The following ABCB1 variants were observed in gnomAD, a reference collection of about 807,000 sequenced individuals.
ABCB1 encodes the protein ATP binding cassette subfamily B member 1.
Under a neutral mutation model 142.0 loss-of-function variants are expected in ABCB1, and 69 were observed. That is an observed-to-expected ratio of 0.49 (90% CI 0.40 to 0.59). The LOEUF (loss-of-function observed/expected upper bound fraction) is 0.59. ABCB1 is among the 20% of genes least tolerant of loss of function. ABCB1 has a pLI of 0.00. For synonymous variants in ABCB1, 532 were observed against 539.2 expected (o/e 0.99, Z 0.18); for missense variants, 1,326 against 1,554.7 (o/e 0.85, Z 2.47).
At chr7:87,519,509 C>T (rs1217542328) in intron 22 of ABCB1, 43 bp from the exon 23 acceptor site, 1 of 1,612,378 alleles carries the variant, frequency 6.2e-7, no homozygotes. Context: ...TTTCATTTCT[C>T]AGTCCTTAAA....
chr7:87,599,422 T>C (rs760454372), intron 2 of ABCB1, among the ~76,000 whole-genome samples: 9 of 152,206 alleles, frequency 5.9e-5, no homozygotes, highest in Non-Finnish European at 1.0e-4. Context: ...GATGTTTACA[T>C]AGCCATTTAC....
intron 1 of ABCB1, among the ~76,000 whole-genome samples, chr7:87,612,740 T>A (rs1372149139): frequency 6.6e-6 from 1 of 152,120 alleles, no homozygotes; most frequent in Non-Finnish European, 1.5e-5. Flanking sequence ...CTTTGGCTAT[T>A]TGTGTTCCTT....
intron 1 of ABCB1, among the ~76,000 whole-genome samples, chr7:87,685,298 AAAG>A (rs1315301068): frequency 6.6e-6 from 1 of 152,232 alleles, no homozygotes; most frequent in Non-Finnish European, 1.5e-5. Context: ...ATATTTCATC[AAAG>A]AAGATACACA....
intron 3 of ABCB1, among the ~76,000 whole-genome samples, chr7:87,593,211 G>A (rs918192995): frequency 6.6e-6 from 1 of 152,172 alleles, no homozygotes; most frequent in African/African-American, 2.4e-5. Context: ...ACAGGCGTGA[G>A]CCACAGCACC....
At chr7:87,538,798 TA>T (rs1816402232) in intron 19 of ABCB1, among the ~76,000 whole-genome samples, 1 of 152,104 alleles carries the variant, frequency 6.6e-6, no homozygotes, top group African/African-American at 2.4e-5. Flanking sequence ...CAGCTTGAAC[TA>T]GTATTTCAGA....
intron 1 of ABCB1, among the ~76,000 whole-genome samples, chr7:87,683,546 GAGAA>G (rs905385506): frequency 6.6e-6 from 1 of 152,126 alleles, no homozygotes; most frequent in Non-Finnish European, 1.5e-5. Flanking sequence ...GAGACCTGAG[GAGAA>G]AGAGAGAGAT....
At chr7:87,648,359 A>G (rs1171035385) in intron 1 of ABCB1, among the ~76,000 whole-genome samples, 3 of 152,122 alleles carry the variant, frequency 2.0e-5, no homozygotes, top group African/African-American at 7.2e-5. Context: ...GCAAATGTTC[A>G]TATAAAAATG....
chr7:87,505,447 G>A (rs1008557100), intron 27 of ABCB1, among the ~76,000 whole-genome samples: 15 of 152,082 alleles, frequency 9.9e-5, no homozygotes, highest in African/African-American at 1.4e-4. Context: ...ACAGACTCCC[G>A]AATTTTTTTA....
chr7:87,516,731 C>CAT, intron 23 of ABCB1, 66 bp from the exon 24 acceptor site: 2 of 804,614 alleles, frequency 2.5e-6, no homozygotes, highest in Non-Finnish European at 3.4e-6. Flanking sequence ...GCTGACACTC[C>CAT]TTTTTTTTTT....
intron 18 of ABCB1, among the ~76,000 whole-genome samples, chr7:87,541,154 G>T: frequency 6.6e-6 from 1 of 152,134 alleles, no homozygotes; most frequent in East Asian, 1.9e-4. Context: ...ATTGCGGGAG[G>T]TAAGGGTGGA....
chr7:87,541,316 G>T, intron 18 of ABCB1, 41 bp downstream of exon 18: 1 of 1,230,772 alleles, frequency 8.1e-7, no homozygotes, highest in Non-Finnish European at 1.2e-6. Context: ...GAATAATGAT[G>T]CATTTCTCAA....
chr7:87,535,089 G>A (rs1306059730), intron 20 of ABCB1, among the ~76,000 whole-genome samples: 1 of 151,722 alleles, frequency 6.6e-6, no homozygotes, highest in East Asian at 1.9e-4. Context: ...ATAGCCTTTT[G>A]TATAACCAAA....
chr7:87,603,200 CATTT>C (rs1819526236), upstream of ABCB1: 1 of 152,158 alleles, frequency 6.6e-6, no homozygotes, highest in Non-Finnish European at 1.5e-5. Context: ...AACTACTGGT[CATTT>C]ATCAGGAACT....
At chr7:87,619,830 A>G (rs2130090483) in intron 1 of ABCB1, among the ~76,000 whole-genome samples, 2 of 152,046 alleles carry the variant, frequency 1.3e-5, no homozygotes, top group Middle Eastern at 3.4e-3. Flanking sequence ...TGCCATTGTC[A>G]TTTTGACATA....
chr7:87,594,240 C>A (rs1236386949), intron 3 of ABCB1, among the ~76,000 whole-genome samples: 1 of 152,130 alleles, frequency 6.6e-6, no homozygotes, highest in Non-Finnish European at 1.5e-5. Context: ...GACAAGTGAA[C>A]ATGTCTGGCT....
intron 1 of ABCB1, among the ~76,000 whole-genome samples, chr7:87,681,511 T>G (rs1826925280): frequency 6.6e-6 from 1 of 150,848 alleles, no homozygotes; most frequent in African/African-American, 2.5e-5. Context: ...TACACTACAC[T>G]GTAATCTATT....
At position 87,619,831 on chromosome 7, in the gene ABCB1, T is replaced by C. The variant is rs529826422; in HGVS notation, c.-330-18753A>G. On this transcript the variant is annotated intron_variant, in intron 1 of 28. Transcript: ENST00000265724. ...AGAGGAATCATTAATGCCATTGTCA[T>C]TTTGACATATTTTGATCCTGAAAGT... 5.3e-5 allele frequency among the ~76,000 whole-genome samples: 8 copies of C among 152,160 alleles called. No homozygotes were observed. In the East Asian group the frequency reaches 1.4e-3, roughly 26 times the overall value.
chr7:87,609,539 T>C (rs1181925888), intron 1 of ABCB1, among the ~76,000 whole-genome samples: 7 of 152,176 alleles, frequency 4.6e-5, no homozygotes, highest in Non-Finnish European at 7.3e-5. Context: ...GTTCATTCTA[T>C]CATATTGACA....
At chr7:87,670,033 A>G (rs1825673034) in intron 1 of ABCB1, among the ~76,000 whole-genome samples, 1 of 152,158 alleles carries the variant, frequency 6.6e-6, no homozygotes, top group African/African-American at 2.4e-5. Context: ...TCGTTGGGGA[A>G]GTTTTCATGG....
Sources: allele counts gnomAD v4.1 joint callset (sites outside exome capture counted in the v4.1 genomes callset), GRCh38; gene constraint gnomAD v4.1.1; transcripts MANE v1.5; gene names NCBI Gene and HGNC (gene_info 2026-07-23, HGNC 2026-07-21).